TBC1D4: variants seen among roughly 807,000 people sequenced by gnomAD.
TBC1D4 encodes the protein TBC1 domain family member 4, also known as TBC (Tre-2, BUB2, CDC16) domain-containing protein.
A neutral mutation model predicts 142.5 loss-of-function variants in TBC1D4; 121 were observed. The observed-to-expected ratio is 0.85, with a 90% CI of 0.73 to 0.99. The LOEUF is 0.99. Among genes scored for constraint, TBC1D4 ranks in the 50% least tolerant of loss-of-function variants. The pLI, the probability that TBC1D4 is intolerant of heterozygous loss-of-function variation, is 0.00. For missense variants in TBC1D4, 1,475 were observed against 1,606.6 expected, an observed-to-expected ratio of 0.92 and a Z score of 1.40; for synonymous variants, 630 against 628.2, an observed-to-expected ratio of 1.00 and a Z score of -0.04.
chr13:75,437,969 G>A (rs1886868531), intron 1 of TBC1D4, among the ~76,000 whole-genome samples: 2 of 152,268 alleles, frequency 1.3e-5, no homozygotes, highest in South Asian at 4.2e-4. Flanking sequence ...TTACAATTGA[G>A]GAAAACATTC....
Position 75,481,287 on chromosome 13 carries a change from C to G in TBC1D4, c.481G>C (p.Ala161Pro). 2 of 1,450,340 alleles carry G rather than the reference C, an allele frequency of 1.4e-6. No individual in the cohort carries two copies. Among genetic ancestry groups the G allele is most frequent in the Middle Eastern group, 1.9e-4 (1 of 5,242 alleles). The allele number at this position is 1,450,340 out of a possible 1,614,324, so 89.8% of individuals were successfully genotyped here. Residue 161 changes from alanine (A) to proline (P), a missense_variant, in exon 1 of 21, where the codon GCC becomes CCC. Coordinates refer to ENST00000377636, the MANE Select transcript of TBC1D4 (RefSeq NM_014832.5). ...TGTCTTGCCTGGCTGGGGTCTGTGG[C>G]GCGGAAAACGTGGCAGGCCATCTGC... The part of the protein sequence containing the change: ...ESQMACHVFR[A>P]TDPSQVPDVI...
chr13:75,400,126 G>A (rs1370465428), intron 1 of TBC1D4, among the ~76,000 whole-genome samples: 1 of 152,212 alleles, frequency 6.6e-6, no homozygotes, highest in Admixed American at 6.5e-5. Flanking sequence ...AACAACTGCT[G>A]TTGATTTAAG....
intron 1 of TBC1D4, among the ~76,000 whole-genome samples, chr13:75,410,571 G>A (rs1245096140): frequency 6.6e-6 from 1 of 152,208 alleles, no homozygotes; most frequent in Non-Finnish European, 1.5e-5. Context: ...TGGTTATCAA[G>A]AAATTAAACA....
intron 12 of TBC1D4, among the ~76,000 whole-genome samples, chr13:75,317,207 A>T (rs1331753022): frequency 1.3e-5 from 2 of 152,202 alleles, no homozygotes; most frequent in African/African-American, 4.8e-5. Flanking sequence ...TACTCCTTGC[A>T]TTAGTTCTGA....
At chr13:75,307,278 T>C (rs1877280725) in intron 14 of TBC1D4, among the ~76,000 whole-genome samples, 1 of 152,206 alleles carries the variant, frequency 6.6e-6, no homozygotes, top group Non-Finnish European at 1.5e-5. Flanking sequence ...TGTTCATTTG[T>C]AATAAACTTA....
intron 1 of TBC1D4, among the ~76,000 whole-genome samples, chr13:75,457,290 C>T (rs1467006788): frequency 1.3e-5 from 2 of 152,008 alleles, no homozygotes; most frequent in East Asian, 3.8e-4. Context: ...GACCTTAGGG[C>T]CAGGGTCCTC....
intron 1 of TBC1D4, among the ~76,000 whole-genome samples, chr13:75,446,732 A>C (rs954604336): frequency 6.6e-6 from 1 of 152,246 alleles, no homozygotes; most frequent in Non-Finnish European, 1.5e-5. Flanking sequence ...AAGCATTTGT[A>C]ATATGGCTTT....
At chr13:75,420,100 A>G (rs1265544432) in intron 1 of TBC1D4, among the ~76,000 whole-genome samples, 1 of 152,204 alleles carries the variant, frequency 6.6e-6, no homozygotes, top group Non-Finnish European at 1.5e-5. Context: ...TGGCAGAGAC[A>G]GAATAGGCCA....
intron 1 of TBC1D4, among the ~76,000 whole-genome samples, chr13:75,467,104 A>G (rs1432038415): frequency 6.6e-6 from 1 of 152,166 alleles, no homozygotes; most frequent in Non-Finnish European, 1.5e-5. Context: ...AAACGGGGTA[A>G]TATATTATGA....
chr13:75,316,400 A>G (rs955105739), intron 12 of TBC1D4: 3 of 152,228 alleles, frequency 2.0e-5, no homozygotes, highest in Non-Finnish European at 4.4e-5. Flanking sequence ...TCTGGAATTT[A>G]CTGACTAGTA....
At chr13:75,477,332 G>A (rs536064979) in intron 1 of TBC1D4, among the ~76,000 whole-genome samples, 7 of 152,248 alleles carry the variant, frequency 4.6e-5, no homozygotes, top group Admixed American at 3.3e-4. Flanking sequence ...AGTAATACAC[G>A]TTTTTAAGAG....
chr13:75,458,378 C>T (rs1000988846), intron 1 of TBC1D4, among the ~76,000 whole-genome samples: 2 of 152,212 alleles, frequency 1.3e-5, no homozygotes, highest in African/African-American at 4.8e-5. Flanking sequence ...TGCTCTTCTG[C>T]TCCTCTTTTT....
rs181483246 is a variant in TBC1D4 at position 75,286,831 on chromosome 13, G to T, written c.3858C>A (p.Cys1286Ter). 1 of 1,613,906 alleles carries T rather than the reference G, an allele frequency of 6.2e-7. No individual in the cohort carries two copies. Among genetic ancestry groups the T allele is most frequent in the Non-Finnish European group, 8.5e-7 (1 of 1,179,922 alleles). Residue 1286 changes from cysteine (C) to a stop codon, truncating the protein, a stop_gained, in exon 21 of 21, where the codon TGC becomes TGA. Transcript: ENST00000377636. LOFTEE classifies it high-confidence loss of function. ...NCDLLLRDLN[C>*]NPNNKAKIGN... is the part of the protein sequence containing the mutation. ...CTATCTTGGCTTTGTTGTTAGGGTT[G>T]CAGTTTAGGTCTCTCAGCAACAGGT...
At chr13:75,407,554 G>T (rs1421877333) in intron 1 of TBC1D4, among the ~76,000 whole-genome samples, 1 of 152,160 alleles carries the variant, frequency 6.6e-6, no homozygotes, top group Non-Finnish European at 1.5e-5. Flanking sequence ...AAATAAAAGT[G>T]GCTTTGGTAC....
intron 1 of TBC1D4, among the ~76,000 whole-genome samples, chr13:75,445,353 T>G (rs1423325239): frequency 6.6e-6 from 1 of 152,196 alleles, no homozygotes; most frequent in Non-Finnish European, 1.5e-5. Flanking sequence ...GAACAGCACA[T>G]TTCCTTGTCT....
At chr13:75,361,897 T>G in intron 2 of TBC1D4, 129 bp downstream of exon 2, 7 of 1,140,200 alleles carry the variant, frequency 6.1e-6, no homozygotes, top group Non-Finnish European at 8.8e-6. Context: ...CTTATCTGCT[T>G]TGAAGGGGAA....
chr13:75,329,312 G>A (rs1879547455), intron 8 of TBC1D4, among the ~76,000 whole-genome samples: 1 of 151,878 alleles, frequency 6.6e-6, no homozygotes, highest in African/African-American at 2.4e-5. Context: ...GACTACTTCA[G>A]CAAACACGAA....
At chr13:75,379,478 C>G (rs1211467225) in intron 1 of TBC1D4, among the ~76,000 whole-genome samples, 1 of 152,178 alleles carries the variant, frequency 6.6e-6, no homozygotes, top group Non-Finnish European at 1.5e-5. Context: ...TACCCCATGT[C>G]TGTCACAATG....
chr13:75,406,075 G>A (rs74096270), intron 1 of TBC1D4, among the ~76,000 whole-genome samples: 4,330 of 152,258 alleles, frequency 0.028, 197 homozygotes, highest in African/African-American at 0.096. Flanking sequence ...AATTGAATTC[G>A]TTCGCTCCGG....
Sources: gnomAD v4.1 joint callset for allele counts (sites outside exome capture counted in the v4.1 genomes callset) on GRCh38, gnomAD v4.1.1 for gene constraint, MANE v1.5 for transcripts, NCBI Gene and HGNC (gene_info 2026-07-23, HGNC 2026-07-21) for gene names.